PTPRR: variants seen among roughly 807,000 people sequenced by gnomAD.
The protein encoded by PTPRR is receptor-type tyrosine-protein phosphatase R.
A neutral mutation model predicts 77.2 loss-of-function variants in PTPRR; 38 were observed. The observed-to-expected ratio is 0.49, with a 90% CI of 0.38 to 0.65. The LOEUF is 0.65. Ranked by LOEUF, PTPRR falls within the 30% of genes least tolerant of loss-of-function variation. PTPRR has a pLI of 0.00. For missense variants in PTPRR, 744 were observed against 799.2 expected (o/e 0.93, Z 0.83); for synonymous variants, 299 against 283.1 (o/e 1.06, Z -0.57).
chr12:70,743,164 T>C (rs1347105487), intron 6 of PTPRR, among the ~76,000 whole-genome samples: 1 of 152,044 alleles, frequency 6.6e-6, no homozygotes, highest in Non-Finnish European at 1.5e-5. Context: ...GAAGGGAATC[T>C]GGAGGAGACC....
At chr12:70,866,045 G>A (rs904118350) in intron 2 of PTPRR, among the ~76,000 whole-genome samples, 1 of 151,934 alleles carries the variant, frequency 6.6e-6, no homozygotes, top group Non-Finnish European at 1.5e-5. Context: ...GTGTGTAGAG[G>A]GAAATTTATA....
chr12:70,808,056 C>G (rs1449319698), intron 2 of PTPRR, among the ~76,000 whole-genome samples: 3 of 152,072 alleles, frequency 2.0e-5, no homozygotes, highest in Non-Finnish European at 2.9e-5. Context: ...TAATAATTAG[C>G]AGCCCTGGGA....
chr12:70,911,711 A>G (rs1388031706), intron 1 of PTPRR, among the ~76,000 whole-genome samples: 2 of 147,034 alleles, frequency 1.4e-5, no homozygotes, highest in African/African-American at 2.5e-5. Context: ...GCTCCTGCCT[A>G]TAGCATACAG....
intron 2 of PTPRR, among the ~76,000 whole-genome samples, chr12:70,791,467 G>A (rs540537173): frequency 2.0e-5 from 3 of 152,158 alleles, no homozygotes; most frequent in African/African-American, 7.2e-5. Context: ...TCCTGTCACC[G>A]TCTGCCTGCT....
chr12:70,905,467 T>A (rs528095100), intron 1 of PTPRR, among the ~76,000 whole-genome samples: 33 of 152,028 alleles, frequency 2.2e-4, no homozygotes, highest in African/African-American at 7.9e-4. Context: ...TTGCCAAAGA[T>A]ACTAATCTAC....
intron 2 of PTPRR, among the ~76,000 whole-genome samples, chr12:70,858,947 T>C (rs1674247846): frequency 1.6e-5 from 2 of 126,024 alleles, no homozygotes; most frequent in Admixed American, 9.0e-5. Flanking sequence ...TCTTCTAGCA[T>C]TTCGCCCTTT....
chr12:70,665,476 G>A (rs1886956499), intron 10 of PTPRR, among the ~76,000 whole-genome samples: 1 of 140,532 alleles, frequency 7.1e-6, no homozygotes, highest in African/African-American at 2.7e-5. Flanking sequence ...CCACCTCCCG[G>A]GTTCAAGCGA....
chr12:70,642,009 TC>T (rs1422314800), intron 13 of PTPRR, among the ~76,000 whole-genome samples: 1 of 152,156 alleles, frequency 6.6e-6, no homozygotes, highest in East Asian at 1.9e-4. Context: ...GTCTCCCTCT[TC>T]TACAGGCTAT....
At chr12:70,835,586 A>G (rs2137054580) in intron 2 of PTPRR, among the ~76,000 whole-genome samples, 1 of 152,218 alleles carries the variant, frequency 6.6e-6, no homozygotes, top group East Asian at 1.9e-4. Flanking sequence ...CTGATTAAAA[A>G]CTGACTCTAA....
intron 2 of PTPRR, among the ~76,000 whole-genome samples, chr12:70,876,284 T>G (rs991445428): frequency 8.5e-5 from 13 of 152,082 alleles, no homozygotes; most frequent in African/African-American, 2.4e-4. Context: ...TTTATACACA[T>G]ACATAGACAT....
intron 2 of PTPRR, among the ~76,000 whole-genome samples, chr12:70,771,870 A>T (rs920944535): frequency 6.6e-6 from 1 of 152,130 alleles, no homozygotes; most frequent in Non-Finnish European, 1.5e-5. Flanking sequence ...ACATTTTCAA[A>T]CTCTGGTAAA....
chr12:70,711,813 C>G (rs1565660197), intron 6 of PTPRR, among the ~76,000 whole-genome samples: 1 of 152,046 alleles, frequency 6.6e-6, no homozygotes, highest in African/African-American at 2.4e-5. Context: ...ATATAAAAAG[C>G]AGATATCTTA....
chr12:70,911,332 C>T (rs1694124343), intron 1 of PTPRR, among the ~76,000 whole-genome samples: 1 of 152,100 alleles, frequency 6.6e-6, no homozygotes, highest in African/African-American at 2.4e-5. Flanking sequence ...AGATGGGAAG[C>T]CTATAGACCT....
At chr12:70,689,805 C>T (rs982567076) in intron 8 of PTPRR, among the ~76,000 whole-genome samples, 3 of 152,150 alleles carry the variant, frequency 2.0e-5, no homozygotes, top group East Asian at 1.9e-4. Context: ...CACAATAGTA[C>T]GCATATCCAA....
intron 2 of PTPRR, among the ~76,000 whole-genome samples, chr12:70,880,103 A>G (rs1385532152): frequency 6.6e-6 from 1 of 152,060 alleles, no homozygotes; most frequent in Non-Finnish European, 1.5e-5. Context: ...ACTGAGGCCA[A>G]AAAGATACAT....
chr12:70,717,642 C>T (rs554374400), intron 6 of PTPRR, among the ~76,000 whole-genome samples: 1 of 152,308 alleles, frequency 6.6e-6, no homozygotes, highest in African/African-American at 2.4e-5. Flanking sequence ...CAATACAAGA[C>T]ACAGGACAAA....
chr12:70,656,947 C>A, intron 12 of PTPRR, 130 bp from the exon 13 acceptor site: 1 of 602,250 alleles, frequency 1.7e-6, no homozygotes, highest in Non-Finnish European at 2.9e-6. Flanking sequence ...GTATTATAAA[C>A]CTGGCCCTGT....
chr12:70,832,843 T>C (rs1892238084), intron 2 of PTPRR, among the ~76,000 whole-genome samples: 1 of 152,100 alleles, frequency 6.6e-6, no homozygotes, highest in Non-Finnish European at 1.5e-5. Flanking sequence ...TCAGAAAGCT[T>C]CTACTCATGG....
rs1254989152 is a variant in PTPRR at position 70,887,930 on chromosome 12, T to G, written c.357+4749A>C. ...CCTTAGGCAAGAGTTCTGGGAATCT[T>G]GGATCCCAGGTGATGTAGGATATAG... is the stretch of plus-strand genomic sequence containing the variant. On this transcript the variant is annotated intron_variant, in intron 2 of 13. Transcript: ENST00000283228. 2.6e-5 allele frequency among the ~76,000 whole-genome samples: 4 copies of G among 152,154 alleles called. No homozygotes were observed. In the East Asian group the frequency reaches 7.7e-4, roughly 29 times the overall value.
Sources: gnomAD v4.1 joint callset for allele counts (sites outside exome capture counted in the v4.1 genomes callset) on GRCh38, gnomAD v4.1.1 for gene constraint, MANE v1.5 for transcripts, NCBI Gene and HGNC (gene_info 2026-07-23, HGNC 2026-07-21) for gene names.